The following DUS3L variants were observed in gnomAD, a reference collection of about 807,000 sequenced individuals.
DUS3L encodes the protein dihydrouridine synthase 3 like.
In DUS3L, 62 loss-of-function variants were observed where a neutral mutation model predicts 74.6. The observed-to-expected ratio is 0.83, with a 90% CI of 0.68 to 1.03. The LOEUF (loss-of-function observed/expected upper bound fraction) is 1.03. Among genes scored for constraint, DUS3L ranks in the 50% least tolerant of loss-of-function variants. The pLI is 0.00. For synonymous variants in DUS3L, 433 were observed against 395.7 expected (o/e 1.09, Z -1.12); for missense variants, 884 against 924.4 (o/e 0.96, Z 0.57).
intron 3 of DUS3L, 188 bp downstream of exon 3, chr19:5,789,017 CTT>C: frequency 1.3e-6 from 1 of 799,554 alleles, no homozygotes; most frequent in Admixed American, 4.2e-5. Flanking sequence ...CTGTCCAGCT[CTT>C]TCTGTCCCCA....
Position 5,785,286 on chromosome 19 carries a change from G to T in DUS3L, c.1881-11C>A. 6.2e-7 allele frequency: 1 copy of T among 1,610,980 alleles called. No individual in the cohort carries two copies. The highest frequency in any genetic ancestry group is 8.5e-7 in the Non-Finnish European group (1 of 1,179,314). ...CCAAGGAGCATCTCGCTGTGGGAGAGCAGGTGGAAAGCGAGGTCAGGCCCA... is the reference window on the plus strand; with the variant it reads ...CCAAGGAGCATCTCGCTGTGGGAGATCAGGTGGAAAGCGAGGTCAGGCCCA... On this transcript the variant is annotated splice_polypyrimidine_tract_variant and intron_variant, in intron 12 of 12. Coordinates refer to ENST00000309061, the MANE Select transcript of DUS3L (RefSeq NM_020175.3).
Position 5,785,641 on chromosome 19 carries a change from G to C in DUS3L, c.1713C>G (p.Thr571=), listed in dbSNP as rs2056834452. The C allele has an allele frequency of 1.1e-5, 17 of 1,611,554 alleles. No homozygotes were observed. Among genetic ancestry groups the C allele is most frequent in the Non-Finnish European group, 1.4e-5 (17 of 1,179,240 alleles). Reference sequence around the variant, plus strand: ...ACAGCCACTCGAGCAGAAAGCGCCGGGTCTTCTCCACGCCCTGCGTGTCCG... The same window carrying C: ...ACAGCCACTCGAGCAGAAAGCGCCGCGTCTTCTCCACGCCCTGCGTGTCCG... ...WGSDTQGVEK[T]RRFLLEWLSF... The change falls in exon 11 of 13, where the codon ACC becomes ACG. Residue 571 remains threonine (T), a synonymous_variant. Coordinates refer to ENST00000309061, the MANE Select transcript of DUS3L (RefSeq NM_020175.3).
At position 5,788,133 on chromosome 19, in the gene DUS3L, G is replaced by A. The variant is rs547585549; in HGVS notation, c.986C>T (p.Ala329Val). Reference sequence around the variant, plus strand: ...GGCCATCTCTCCACATGTCACATCCGCCCCGAAGCGCTTGCAGATCCGTCG... The same window carrying A: ...GGCCATCTCTCCACATGTCACATCCACCCCGAAGCGCTTGCAGATCCGTCG... ...PFRRICKRFGADVTCGEMAVC... is the reference protein window; with the variant it reads ...PFRRICKRFGVDVTCGEMAVC... Residue 329 changes from alanine (A) to valine (V), a missense_variant, in exon 5 of 13, where the codon GCG (alanine) becomes GTG (valine). Physicochemically the swap from Ala to Val is moderately conservative, Grantham distance 64 (BLOSUM62 0). Transcript: ENST00000309061. 1.2e-4 allele frequency: 190 copies of A among 1,613,566 alleles called. No homozygotes were observed. Among genetic ancestry groups the A allele is most frequent in the Non-Finnish European group, 1.4e-4 (164 of 1,180,034 alleles).
In DUS3L at chr19:5,789,072, C is replaced by T. The variant is rs560203002; in HGVS notation, c.900+135G>A. On this transcript the variant is annotated intron_variant, in intron 3 of 12. Coordinates refer to ENST00000309061, the MANE Select transcript of DUS3L (RefSeq NM_020175.3). ...CCAGGACAGAGCACAGAGAGGGAGA[C>T]TCAGCCAGGAGCTCCCTCAAGGCAC... The T allele has an allele frequency of 3.8e-5, 49 of 1,302,246 alleles. 1 individual carries two copies. The South Asian group carries it at 7.7e-4, about 20-fold the overall frequency. 80.7% of individuals were successfully genotyped at this position (1,302,246 alleles called of 1,614,324 possible).
chr19:5,789,620 C>T lies in DUS3L; in HGVS notation c.487G>A (p.Val163Met), dbSNP rs757355388. 23 of 1,599,330 alleles carry T rather than the reference C, an allele frequency of 1.4e-5. No homozygotes were observed. The highest frequency in any genetic ancestry group is 2.0e-5 in the Non-Finnish European group (23 of 1,174,630). ...TKPADLGPRC[V>M]LFETFGRCPY... Reference sequence around the variant, plus strand: ...CACCGGCCGAAGGTCTCGAAGAGCACGCAGCGGGGGCCCAGGTCGGCCGGC... The same window carrying T: ...CACCGGCCGAAGGTCTCGAAGAGCATGCAGCGGGGGCCCAGGTCGGCCGGC... Residue 163 changes from valine to methionine, a missense_variant, in exon 3 of 13, where the codon GTG becomes ATG. Coordinates refer to ENST00000309061, the MANE Select transcript of DUS3L (RefSeq NM_020175.3).
rs2144726908 is a variant in DUS3L at position 5,785,730 on chromosome 19, A to C, written c.1624T>G (p.Ser542Ala). The C allele has an allele frequency of 6.2e-7, 1 of 1,611,596 alleles. No individual in the cohort carries two copies. The highest frequency in any genetic ancestry group is 2.2e-5 in the East Asian group (1 of 44,844). ...AGGATGTCCAGGCGCTCGGACGACGAGATGTCCCAGTGCCGCTGCTCCTTG... is the reference window on the plus strand; with the variant it reads ...AGGATGTCCAGGCGCTCGGACGACGCGATGTCCCAGTGCCGCTGCTCCTTG... The part of the protein sequence containing the change: ...EIKEQRHWDI[S>A]SSERLDILRD... Residue 542 changes from serine (S) to alanine (A), a missense_variant, in exon 11 of 13, where the codon TCG becomes GCG. Physicochemically the swap from Ser to Ala is moderately conservative, Grantham distance 99 (BLOSUM62 1). Transcript: ENST00000309061.
rs2144726753 is a variant in DUS3L, at chr19:5,785,680, C to T, written c.1674G>A (p.Leu558=). ...DILRDFTNYG[L]EHWGSDTQGV... is the part of the protein sequence containing the mutation. The stretch of plus-strand genomic sequence containing the variant: ...CCTGCGTGTCCGAGCCCCAGTGCTC[C>T]AGGCCGTAGTTGGTGAAGTCCCGCA... Residue 558 remains leucine, a synonymous_variant, in exon 11 of 13, where the codon CTG becomes CTA. Transcript: ENST00000309061. The T allele has an allele frequency of 6.2e-7, 1 of 1,612,682 alleles. No homozygotes were observed. Among genetic ancestry groups the T allele is most frequent in the Admixed American group, 1.7e-5 (1 of 59,982 alleles).
At chr19:5,787,921 G>A in intron 5 of DUS3L, 103 bp downstream of exon 5, 1 of 1,533,586 alleles carries the variant, frequency 6.5e-7, no homozygotes, top group Non-Finnish European at 8.8e-7. Flanking sequence ...CCACAGCTGA[G>A]GCCAGGGGGT....
intron 3 of DUS3L, among the ~76,000 whole-genome samples, chr19:5,788,685 G>C (rs2056878798): frequency 6.7e-6 from 1 of 150,054 alleles, no homozygotes; most frequent in African/African-American, 2.5e-5. Context: ...GACCCTCTGA[G>C]ACTTAGAGTG....
Position 5,790,235 on chromosome 19 carries a change from G to A in DUS3L, c.199C>T (p.Leu67=), listed in dbSNP as rs143865014. Residue 67 remains leucine, a synonymous_variant, in exon 2 of 13, where the codon CTG becomes TTG. Coordinates refer to ENST00000309061, the MANE Select transcript of DUS3L (RefSeq NM_020175.3). Reference sequence around the variant, plus strand: ...ATCCGCTTAGCCTCAGGCTCAGCCAGCTCATTGCCAGCAGGGTCTCCTACC... The same window carrying A: ...ATCCGCTTAGCCTCAGGCTCAGCCAACTCATTGCCAGCAGGGTCTCCTACC... ...TEVGDPAGNE[L]AEPEAKRIRL... is the part of the protein sequence containing the mutation. The A allele has an allele frequency of 5.0e-6, 8 of 1,614,070 alleles. No individual in the cohort carries two copies. The highest frequency in any genetic ancestry group is 1.6e-4 in the Middle Eastern group (1 of 6,084).
chr19:5,789,946 C>G, intron 2 of DUS3L, 101 bp downstream of exon 2: 3 of 1,498,040 alleles, frequency 2.0e-6, no homozygotes, highest in South Asian at 1.3e-5. Context: ...GCTCACTGCT[C>G]GTTGCTGAAG....
rs1361502819 is a variant in DUS3L at position 5,789,365 on chromosome 19, C to G, written c.742G>C (p.Gly248Arg). The change falls in exon 3 of 13, where the codon GGC (glycine) becomes CGC (arginine). Residue 248 changes from glycine to arginine, a missense_variant. Physicochemically the swap from Gly to Arg is moderately radical, Grantham distance 125. Coordinates refer to ENST00000309061, the MANE Select transcript of DUS3L (RefSeq NM_020175.3). Reference protein sequence around the residue: ...GPTPAAAVPEGTAAEGAPRQE... With the variant: ...GPTPAAAVPERTAAEGAPRQE... ...CTGGGAGCGCCCTCGGCTGCCGTGC[C>G]CTCGGGGACAGCGGCAGCGGGTGTG... is the stretch of plus-strand genomic sequence containing the variant. 3 of 1,595,028 alleles carry G rather than the reference C, an allele frequency of 1.9e-6. No individual in the cohort carries two copies. The highest frequency in any genetic ancestry group is 2.6e-6 in the Non-Finnish European group (3 of 1,172,510).
intron 6 of DUS3L, 95 bp downstream of exon 6, chr19:5,787,494 G>C: frequency 6.5e-7 from 1 of 1,530,492 alleles, no homozygotes. Context: ...CCACACTTGA[G>C]CCCAAACCCC....
chr19:5,785,344 C>T lies in DUS3L; in HGVS notation c.1880+39G>A, dbSNP rs75393678. On this transcript the variant is annotated intron_variant, in intron 12 of 12. Coordinates refer to ENST00000309061, the MANE Select transcript of DUS3L (RefSeq NM_020175.3). ...CAAAGTACCCTCCGTGACCCCGGGC[C>T]CCCGACTGCAGCTCCCCAACTCCAG... is the stretch of plus-strand genomic sequence containing the variant. 6,432 of 1,605,982 alleles carry T rather than the reference C, an allele frequency of 4.0e-3. 225 individuals are homozygous for T. In the African/African-American group the frequency reaches 0.076, roughly 19 times the overall value.
At position 5,785,435 on chromosome 19, in the gene DUS3L, A is replaced by G. The variant is rs1352609243; in HGVS notation, c.1828T>C (p.Tyr610His). The change falls in exon 12 of 13, where the codon TAC (tyrosine) becomes CAC (histidine). Residue 610 changes from tyrosine to histidine, a missense_variant. Coordinates refer to ENST00000309061, the MANE Select transcript of DUS3L (RefSeq NM_020175.3). ...TGGCTGGCCATCAGCGTCTCCAGGT[A>G]GTCGCGGCCCAGGTAGTAGGGCGGC... is the stretch of plus-strand genomic sequence containing the variant. ...ERPPYYLGRD[Y>H]LETLMASQKA... 1.3e-6 allele frequency: 2 copies of G among 1,591,906 alleles called. No homozygotes were observed. The highest frequency in any genetic ancestry group is 1.7e-6 in the Non-Finnish European group (2 of 1,168,762).
At chr19:5,787,437 C>A in intron 6 of DUS3L, 76 bp from the exon 7 acceptor site, 1 of 1,553,770 alleles carries the variant, frequency 6.4e-7, no homozygotes, top group Non-Finnish European at 8.8e-7. Context: ...TGCCCGGAGG[C>A]CCCCACCAGG....
In DUS3L at chr19:5,789,222, G is replaced by A; in HGVS notation, c.885C>T (p.Pro295=). 4 of 1,541,474 alleles carry A rather than the reference G, an allele frequency of 2.6e-6. No homozygotes were observed. The highest frequency in any genetic ancestry group is 3.5e-6 in the Non-Finnish European group (4 of 1,147,632). The change falls in exon 3 of 13, where the codon CCC becomes CCT. Residue 295 remains proline, a synonymous_variant. Transcript: ENST00000309061. The part of the protein sequence containing the change: ...LTDEDVVRLR[P]CEKKRLDIRG... Reference sequence around the variant, plus strand: ...CAACACGTACCCGCTTCTTCTCACAGGGCCGCAGCCTGACCACGTCCTCAT... The same window carrying A: ...CAACACGTACCCGCTTCTTCTCACAAGGCCGCAGCCTGACCACGTCCTCAT...
At chr19:5,787,404 G>A (rs1487024598) in intron 6 of DUS3L, 43 bp from the exon 7 acceptor site, 1 of 1,599,640 alleles carries the variant, frequency 6.3e-7, no homozygotes, top group Non-Finnish European at 8.5e-7. Context: ...GACGTGGGCT[G>A]ACCCAAGACC....
At position 5,789,157 on chromosome 19, in the gene DUS3L, A is replaced by T. The variant is rs368782149; in HGVS notation, c.900+50T>A. ...CGTGGACACAGCTGGTATTTAATAGACGCACACCAGATGGACAGATCTGCT... is the reference window on the plus strand; with the variant it reads ...CGTGGACACAGCTGGTATTTAATAGTCGCACACCAGATGGACAGATCTGCT... On this transcript the variant is annotated intron_variant, in intron 3 of 12. Coordinates refer to ENST00000309061, the MANE Select transcript of DUS3L (RefSeq NM_020175.3). 9 of 1,499,312 alleles carry T rather than the reference A, an allele frequency of 6.0e-6. No individual in the cohort carries two copies. The African/African-American group carries it at 1.0e-4, about 17-fold the overall frequency. The allele number at this position is 1,499,312 out of a possible 1,614,324, so 92.9% of individuals were successfully genotyped here.
Sources: allele counts gnomAD v4.1 joint callset (sites outside exome capture counted in the v4.1 genomes callset), GRCh38; gene constraint gnomAD v4.1.1; transcripts MANE v1.5; gene names NCBI Gene and HGNC (gene_info 2026-07-23, HGNC 2026-07-21).